UPF3A: variants seen among roughly 807,000 people sequenced by gnomAD.
The protein encoded by UPF3A is UPF3A regulator of nonsense mediated mRNA decay.
UPF3A carries 42 observed loss-of-function variants against 53.5 expected under a neutral mutation model. That is an observed-to-expected ratio of 0.78 (90% CI 0.61 to 1.01). The LOEUF (loss-of-function observed/expected upper bound fraction) is 1.01, where lower values mean the gene tolerates loss of function less well. Among genes scored for constraint, UPF3A ranks in the 50% least tolerant of loss-of-function variants. The pLI is 0.00. For missense variants in UPF3A, 575 were observed against 598.0 expected (o/e 0.96, Z 0.40); for synonymous variants, 237 against 225.3 (o/e 1.05, Z -0.47).
At chr13:114,283,894 C>T (rs560533874) in intron 3 of UPF3A, 1 of 985,214 alleles carries the variant, frequency 1.0e-6, no homozygotes, top group Non-Finnish European at 1.2e-6. Context: ...CGTGTTTTGA[C>T]ACTGATGAGT....
chr13:114,281,698 C>G lies in UPF3A; in HGVS notation c.59C>G (p.Pro20Arg). The G allele has an allele frequency of 6.5e-7, 1 of 1,543,424 alleles. No homozygotes were observed. The highest frequency in any genetic ancestry group is 8.7e-7 in the Non-Finnish European group (1 of 1,144,532). ...CGGGCGGCCGTTGCCGCGCGGGGCC[C>G]GAGCGGGAGGGAGAAGCTGTCGGCC... ...GLRAAVAARGPSGREKLSALE... is the reference protein window; with the variant it reads ...GLRAAVAARGRSGREKLSALE... Residue 20 changes from proline (P) to arginine (R), a missense_variant, in exon 1 of 10, where the codon CCG becomes CGG. Coordinates refer to ENST00000375299, the MANE Select transcript of UPF3A (RefSeq NM_023011.4).
intron 3 of UPF3A, chr13:114,283,560 G>A (rs114135361): frequency 0.016 from 2,690 of 167,096 alleles, 50 homozygotes; most frequent in African/African-American, 0.046. Flanking sequence ...AGGTTCTAAA[G>A]CTAAACTATT....
chr13:114,290,638 T>TA (rs2085179721), intron 5 of UPF3A, among the ~76,000 whole-genome samples: 1 of 152,126 alleles, frequency 6.6e-6, no homozygotes, highest in Non-Finnish European at 1.5e-5. Flanking sequence ...AGGACCAAGA[T>TA]AGAGTCTGTA....
intron 7 of UPF3A, among the ~76,000 whole-genome samples, chr13:114,295,970 GT>G (rs1219404068): frequency 6.6e-6 from 1 of 152,230 alleles, no homozygotes; most frequent in Non-Finnish European, 1.5e-5. Flanking sequence ...GGACTAGAGG[GT>G]TGGGACTTTC....
At chr13:114,283,621 C>A in intron 3 of UPF3A, 1 of 355,280 alleles carries the variant, frequency 2.8e-6, no homozygotes, top group Non-Finnish European at 3.9e-6. Flanking sequence ...TCTTCCTAAA[C>A]AGCATCCTTC....
intron 5 of UPF3A, 123 bp from the exon 6 acceptor site, chr13:114,291,366 G>A (rs911015336): frequency 2.2e-5 from 21 of 950,552 alleles, no homozygotes; most frequent in Non-Finnish European, 3.1e-5. Context: ...TGGAGACAGT[G>A]TGTAAATTTA....
intron 7 of UPF3A, among the ~76,000 whole-genome samples, chr13:114,296,327 AG>A (rs2086013819): frequency 6.6e-6 from 1 of 152,164 alleles, no homozygotes; most frequent in African/African-American, 2.4e-5. Context: ...AGGTACAGTG[AG>A]CCGAGATCGC....
In UPF3A at chr13:114,304,903, G is replaced by C. The variant is rs767684952; in HGVS notation, c.1417G>C (p.Glu473Gln). 3.1e-6 allele frequency: 5 copies of C among 1,613,178 alleles called. No individual in the cohort carries two copies. The African/African-American group carries it at 6.7e-5, about 22-fold the overall frequency. ...EGSGTGPEKR[E>Q]EAE Reference sequence around the variant, plus strand: ...TTCGGGGACTGGTCCTGAGAAGAGGGAAGAGGCAGAGTGAGTCACTGCACG... The same window carrying C: ...TTCGGGGACTGGTCCTGAGAAGAGGCAAGAGGCAGAGTGAGTCACTGCACG... The change falls in exon 10 of 10, where the codon GAA (glutamate) becomes CAA (glutamine). Residue 473 changes from glutamate to glutamine, a missense_variant. By Grantham distance (29) the Glu-to-Gln change is conservative. Around this residue, in one of 2 missense-constraint regions of UPF3A, gnomAD observed 323 missense variants for 415.2 expected, o/e 0.78. Coordinates refer to ENST00000375299, the MANE Select transcript of UPF3A (RefSeq NM_023011.4).
In UPF3A at chr13:114,302,006, A is replaced by G; in HGVS notation, c.1283A>G (p.Lys428Arg). The change falls in exon 9 of 10, where the codon AAA becomes AGA. Residue 428 changes from lysine to arginine, a missense_variant. Transcript: ENST00000375299. ...TGTGACGACAGTCCAGCACCCAGAAAAGAGCGACTGGCAAACAAGGTTTTT... is the reference window on the plus strand; with the variant it reads ...TGTGACGACAGTCCAGCACCCAGAAGAGAGCGACTGGCAAACAAGGTTTTT... ...QRCDDSPAPRKERLANKDRPA... is the reference protein window; with the variant it reads ...QRCDDSPAPRRERLANKDRPA... 2 of 1,529,250 alleles carry G rather than the reference A, an allele frequency of 1.3e-6. No homozygotes were observed. Among genetic ancestry groups the G allele is most frequent in the Non-Finnish European group, 1.8e-6 (2 of 1,138,914 alleles). The allele number at this position is 1,529,250 out of a possible 1,614,324, so 94.7% of individuals were successfully genotyped here.
At position 114,291,721 on chromosome 13, in the gene UPF3A, G is replaced by A. The variant is rs766221879; in HGVS notation, c.775G>A (p.Glu259Lys). ...LREEEKRRRREEERCKKKETD... is the reference protein window; with the variant it reads ...LREEEKRRRRKEERCKKKETD... ...GGAAGAGGAAAAAAGAAGAAGAAGA[G>A]AAGAAGAAAGATGCAAAAAAAAAGA... The change falls in exon 7 of 10, where the codon GAA becomes AAA. Residue 259 changes from glutamate (E) to lysine (K), a missense_variant. Around this residue, in one of 2 missense-constraint regions of UPF3A, gnomAD observed 323 missense variants for 415.2 expected, o/e 0.78. Transcript: ENST00000375299. The A allele has an allele frequency of 6.3e-7, 1 of 1,596,112 alleles. No individual in the cohort carries two copies. Among genetic ancestry groups the A allele is most frequent in the Admixed American group, 1.7e-5 (1 of 59,018 alleles).
chr13:114,291,031 G>T (rs1427520398), intron 5 of UPF3A, among the ~76,000 whole-genome samples: 1 of 151,976 alleles, frequency 6.6e-6, no homozygotes, highest in Non-Finnish European at 1.5e-5. Flanking sequence ...CACCACGCCC[G>T]GCCCATGTGG....
chr13:114,289,216 T>C (rs2085038583), intron 5 of UPF3A, among the ~76,000 whole-genome samples: 2 of 152,156 alleles, frequency 1.3e-5, no homozygotes, highest in Admixed American at 1.3e-4. Context: ...CTGTGATTGC[T>C]GTTTCTATGT....
chr13:114,303,797 GA>G (rs2086804473), intron 9 of UPF3A, among the ~76,000 whole-genome samples: 1 of 152,146 alleles, frequency 6.6e-6, no homozygotes, highest in South Asian at 2.1e-4. Flanking sequence ...AGAAAAAAAA[GA>G]AAAACAAACA....
chr13:114,303,738 A>G (rs1160620216), intron 9 of UPF3A, among the ~76,000 whole-genome samples: 2 of 152,084 alleles, frequency 1.3e-5, no homozygotes, highest in Admixed American at 6.5e-5. Context: ...GCGAGCCCAG[A>G]TTGCGCCATT....
chr13:114,302,161 T>C, intron 9 of UPF3A, 136 bp downstream of exon 9: 3 of 785,284 alleles, frequency 3.8e-6, no homozygotes, highest in Non-Finnish European at 5.4e-6. Context: ...CAGTTTTTCC[T>C]GAAAGTCAGA....
chr13:114,290,998 G>A (rs2085220746), intron 5 of UPF3A, among the ~76,000 whole-genome samples: 1 of 151,900 alleles, frequency 6.6e-6, no homozygotes, highest in African/African-American at 2.4e-5. Context: ...GCCTCCCAAA[G>A]TGCTGAGATT....
At chr13:114,296,438 G>A (rs1594817633) in intron 7 of UPF3A, among the ~76,000 whole-genome samples, 1 of 152,138 alleles carries the variant, frequency 6.6e-6, no homozygotes, top group African/African-American at 2.4e-5. Context: ...TCAAGGTGCT[G>A]GGAGGGTTAC....
In UPF3A at chr13:114,292,818, T is replaced by G. The variant is rs960430737; in HGVS notation, c.846+1026T>G. Among the ~76,000 whole-genome samples, 3 of 152,206 alleles carry G rather than the reference T, an allele frequency of 2.0e-5. No homozygotes were observed. The South Asian group carries it at 6.2e-4, about 32-fold the overall frequency. ...TACATTTTCCTTTAAAAAAAAGTTT[T>G]CCTCCCAGCACTTTGGGAGGCTGAG... On this transcript the variant is annotated intron_variant, in intron 7 of 9. Transcript: ENST00000375299.
chr13:114,282,567 C>T, intron 2 of UPF3A: 5 of 985,470 alleles, frequency 5.1e-6, no homozygotes, highest in Non-Finnish European at 6.0e-6. Flanking sequence ...ACGGGTTCCT[C>T]TGGGAGTGCG....
Sources: allele counts gnomAD v4.1 joint callset (sites outside exome capture counted in the v4.1 genomes callset), GRCh38; gene constraint gnomAD v4.1.1; regional missense constraint gnomAD v4.1.1; transcripts MANE v1.5; gene names NCBI Gene and HGNC (gene_info 2026-07-23, HGNC 2026-07-21).